Variants in NYAP2 observed in about 807,000 individuals in gnomAD.
NYAP2 encodes neuronal tyrosine-phosphorylated phosphoinositide-3-kinase adaptor 2, also known as neuronal tyrosine-phosphorylated phosphoinositide-3-kinase adapter 2.
NYAP2 carries 23 observed loss-of-function variants against 50.4 expected under a neutral mutation model. The observed-to-expected ratio is 0.46, with a 90% confidence interval of 0.33 to 0.65. The LOEUF is 0.65. NYAP2 is among the 30% of genes least tolerant of loss of function. The pLI is 0.02. For missense variants in NYAP2, 885 were observed against 861.0 expected, an observed-to-expected ratio of 1.03 and a Z score of -0.35; for synonymous variants, 394 against 365.2, an observed-to-expected ratio of 1.08 and a Z score of -0.90.
chr2:225,605,858 T>C (rs1458986294), intron 5 of NYAP2, among the ~76,000 whole-genome samples: 2 of 152,136 alleles, frequency 1.3e-5, no homozygotes, highest in Non-Finnish European at 2.9e-5. Flanking sequence ...AATGCTTTCA[T>C]TTTAAATTAG....
chr2:225,603,026 A>G (rs2106242892), intron 5 of NYAP2, among the ~76,000 whole-genome samples: 1 of 152,304 alleles, frequency 6.6e-6, no homozygotes, highest in East Asian at 1.9e-4. Flanking sequence ...TACAATGACT[A>G]GATACATTGC....
At chr2:225,566,730 T>C (rs1691969016) in intron 4 of NYAP2, among the ~76,000 whole-genome samples, 1 of 152,194 alleles carries the variant, frequency 6.6e-6, no homozygotes, top group Non-Finnish European at 1.5e-5. Context: ...TCAAAATATT[T>C]GGGCAAAGAG....
At chr2:225,542,415 C>T (rs113901961) in intron 4 of NYAP2, among the ~76,000 whole-genome samples, 4,209 of 152,004 alleles carry the variant, frequency 0.028, 184 homozygotes, top group African/African-American at 0.094. Context: ...CTGTTGTATA[C>T]GGCTTTTCTT....
Position 225,582,944 on chromosome 2 carries a change from C to T in NYAP2, c.1527C>T (p.Ser509=), listed in dbSNP as rs755660299. The change falls in exon 5 of 7, where the codon AGC becomes AGT. Residue 509 remains serine (S), a synonymous_variant. Transcript: ENST00000636099. This position sits in a 1 kb window ranked among gnomAD's most constrained non-coding sequence, Gnocchi z 7.0. ...GCTCCCGGTCCCGGACACCCACGAG[C>T]CCGCTGGAGGAGCTGACCAGCCTCT... 2 of 1,612,640 alleles carry T rather than the reference C, an allele frequency of 1.2e-6. No homozygotes were observed. The highest frequency in any genetic ancestry group is 1.6e-4 in the Middle Eastern group (1 of 6,062).
At chr2:225,501,349 A>G (rs962144949) in intron 3 of NYAP2, among the ~76,000 whole-genome samples, 8 of 152,234 alleles carry the variant, frequency 5.3e-5, no homozygotes, top group African/African-American at 1.7e-4. Context: ...AGATGGTTAC[A>G]AAGTTGAAGG....
chr2:225,697,280 T>A, the NYAP2 span, among the ~76,000 whole-genome samples: 1 of 151,984 alleles, frequency 6.6e-6, no homozygotes, highest in African/African-American at 2.4e-5. Context: ...CACACCGAGC[T>A]TTCTTCTGGT....
intron 4 of NYAP2, among the ~76,000 whole-genome samples, chr2:225,553,711 A>T (rs1380476483): frequency 6.6e-6 from 1 of 152,162 alleles, no homozygotes; most frequent in African/African-American, 2.4e-5. Flanking sequence ...CTGGCTTAGG[A>T]TGACCTGGAG....
chr2:225,496,948 A>G (rs1690517630), intron 3 of NYAP2, among the ~76,000 whole-genome samples: 1 of 152,130 alleles, frequency 6.6e-6, no homozygotes, highest in Non-Finnish European at 1.5e-5. Context: ...CATTGTGAGC[A>G]TTAAAACCGT....
At chr2:225,619,414 T>A (rs1038974463) in intron 5 of NYAP2, among the ~76,000 whole-genome samples, 10 of 152,216 alleles carry the variant, frequency 6.6e-5, no homozygotes, top group Non-Finnish European at 1.0e-4. Context: ...ACTGTTTTGT[T>A]CCTAGAGCTT....
rs943027761 is a variant in NYAP2, at chr2:225,589,083, T to A, written c.1618+6048T>A. On this transcript the variant is annotated intron_variant, in intron 5 of 6. Transcript: ENST00000636099. ...CTTCTCTTTTCACTCTTTTCCTAAT[T>A]GTAATATCAAATCAAAAATCAGTTG... is the stretch of plus-strand genomic sequence containing the variant. 3.3e-5 allele frequency among the ~76,000 whole-genome samples: 5 copies of A among 152,152 alleles called. No individual in the cohort carries two copies. The East Asian group carries it at 5.8e-4, about 18-fold the overall frequency.
intron 3 of NYAP2, among the ~76,000 whole-genome samples, chr2:225,500,711 A>T (rs889482523): frequency 6.6e-6 from 1 of 152,186 alleles, no homozygotes; most frequent in African/African-American, 2.4e-5. Flanking sequence ...CTGACATGAA[A>T]ACTTTTTTAT....
Position 225,650,612 on chromosome 2 carries a change from A to G in NYAP2, c.1829-820A>G, listed in dbSNP as rs553097419. Among the ~76,000 whole-genome samples the G allele has an allele frequency of 7.3e-4, 111 of 152,372 alleles. 1 individual carries two copies. Among genetic ancestry groups the G allele is most frequent in the Non-Finnish European group, 1.4e-3 (94 of 68,032 alleles). ...ATAATTTAGGTGTAACTCCTCACAG[A>G]AGCTGGAATGTACTAGGCACTCAAA... On this transcript the variant is annotated intron_variant, in intron 6 of 6. Coordinates refer to ENST00000636099, the Ensembl canonical transcript of NYAP2.
At chr2:225,616,596 C>A (rs984001715) in intron 5 of NYAP2, among the ~76,000 whole-genome samples, 8 of 152,154 alleles carry the variant, frequency 5.3e-5, no homozygotes, top group Non-Finnish European at 8.8e-5. Context: ...CAACAACTAA[C>A]CAATGGTGGT....
At chr2:225,681,883 T>C in the NYAP2 span, among the ~76,000 whole-genome samples, 3 of 152,178 alleles carry the variant, frequency 2.0e-5, no homozygotes, top group Non-Finnish European at 2.9e-5. Context: ...GTCAACCTTA[T>C]AAGGCTGGTG....
the NYAP2 span, among the ~76,000 whole-genome samples, chr2:225,662,360 C>A: frequency 6.6e-6 from 1 of 152,254 alleles, no homozygotes; most frequent in African/African-American, 2.4e-5. Context: ...GCACATCGAA[C>A]CCTTTCCACA....
chr2:225,675,513 A>G, the NYAP2 span, among the ~76,000 whole-genome samples: 1 of 152,060 alleles, frequency 6.6e-6, no homozygotes, highest in East Asian at 1.9e-4. Context: ...TCCATGGTGT[A>G]TTTGTACCAC....
At chr2:225,439,290 C>A (rs965628420) in intron 3 of NYAP2, among the ~76,000 whole-genome samples, 1 of 152,074 alleles carries the variant, frequency 6.6e-6, no homozygotes, top group African/African-American at 2.4e-5. Flanking sequence ...GGGGATTAAG[C>A]CAGTGATGGC....
chr2:225,630,532 T>C (rs1280045512), intron 6 of NYAP2, among the ~76,000 whole-genome samples: 2 of 152,120 alleles, frequency 1.3e-5, no homozygotes, highest in Non-Finnish European at 2.9e-5. Flanking sequence ...TGAAGGAAAA[T>C]GGGATTTCCA....
chr2:225,514,111 A>C (rs767440271), intron 4 of NYAP2, among the ~76,000 whole-genome samples: 5 of 152,182 alleles, frequency 3.3e-5, no homozygotes, highest in Non-Finnish European at 5.9e-5. Context: ...TTATGTATTT[A>C]TGTGTGTATG....
Sources: gnomAD v4.1 joint callset for allele counts (sites outside exome capture counted in the v4.1 genomes callset) on GRCh38, gnomAD v4.1.1 for gene constraint, Gnocchi (gnomAD v3.1) non-coding constraint, MANE v1.5 for transcripts, NCBI Gene and HGNC (gene_info 2026-07-23, HGNC 2026-07-21) for gene names.